SLC41A2: variants seen among roughly 807,000 people sequenced by gnomAD.
SLC41A2 encodes the protein SLC41A1-like 1.
Under a neutral mutation model 58.3 loss-of-function variants are expected in SLC41A2, and 32 were observed. The observed-to-expected ratio is 0.55, with a 90% CI of 0.41 to 0.74. SLC41A2 has a LOEUF of 0.74. SLC41A2 is among the 30% of genes least tolerant of loss of function. SLC41A2 has a pLI of 0.00. For synonymous variants in SLC41A2, 190 were observed against 235.0 expected, an observed-to-expected ratio of 0.81 and a Z score of 1.75; for missense variants, 514 against 680.6, an observed-to-expected ratio of 0.76 and a Z score of 2.72.
intron 2 of SLC41A2, among the ~76,000 whole-genome samples, chr12:104,915,320 T>C (rs1001048903): frequency 6.6e-6 from 1 of 152,234 alleles, no homozygotes; most frequent in Non-Finnish European, 1.5e-5. Context: ...AAAAAATTTT[T>C]ATTGTCATTT....
At chr12:104,955,962 T>G (rs1290329431) in intron 1 of SLC41A2, among the ~76,000 whole-genome samples, 1 of 152,232 alleles carries the variant, frequency 6.6e-6, no homozygotes, top group Admixed American at 6.5e-5. Context: ...ATTCTCCACT[T>G]TACTGAGAAG....
upstream of SLC41A2, chr12:104,958,351 C>T (rs1014800930): frequency 1.3e-5 from 2 of 148,722 alleles, no homozygotes; most frequent in African/African-American, 4.9e-5. Flanking sequence ...CGCGCGGCAG[C>T]CCCGCGCAAG....
intron 8 of SLC41A2, among the ~76,000 whole-genome samples, chr12:104,858,036 C>T (rs1348294745): frequency 6.6e-6 from 1 of 151,950 alleles, no homozygotes; most frequent in Non-Finnish European, 1.5e-5. Flanking sequence ...GAATTAACAC[C>T]AACAACAATA....
At chr12:104,919,215 T>C (rs2046473033) in intron 2 of SLC41A2, among the ~76,000 whole-genome samples, 1 of 152,214 alleles carries the variant, frequency 6.6e-6, no homozygotes, top group Non-Finnish European at 1.5e-5. Context: ...TAGTATTCCA[T>C]CATATGAATT....
chr12:104,916,409 T>C (rs2046322706), intron 2 of SLC41A2, among the ~76,000 whole-genome samples: 1 of 152,158 alleles, frequency 6.6e-6, no homozygotes, highest in African/African-American at 2.4e-5. Flanking sequence ...CAAGGTAATT[T>C]ATAGATTCAA....
At chr12:104,905,615 G>A (rs2045802074) in intron 3 of SLC41A2, among the ~76,000 whole-genome samples, 1 of 152,242 alleles carries the variant, frequency 6.6e-6, no homozygotes, top group South Asian at 2.1e-4. Context: ...GGAGTGGGTG[G>A]GAGGCTCAGG....
rs767726601 is a variant in SLC41A2 at position 104,928,119 on chromosome 12, T to C, written c.409A>G (p.Ser137Gly). Residue 137 changes from serine to glycine, a missense_variant, in exon 2 of 11, where the codon AGT (serine) becomes GGT (glycine). This residue lies in a region of SLC41A2 where 336 missense variants were observed against 430.0 expected (regional missense o/e 0.78). Coordinates refer to ENST00000258538, the MANE Select transcript of SLC41A2 (RefSeq NM_001352171.3). The stretch of plus-strand genomic sequence containing the variant: ...ACAATAGCATCTTCATCACCATCAC[T>C]AGATATATCTTCATCTTGTAACATG... Reference protein sequence around the residue: ...TAMLQDEDISSDGDEDAIVEV... With the variant: ...TAMLQDEDISGDGDEDAIVEV... 4.3e-6 allele frequency: 7 copies of C among 1,614,200 alleles called. No individual in the cohort carries two copies. The highest frequency in any genetic ancestry group is 8.5e-7 in the Non-Finnish European group (1 of 1,180,024).
At chr12:104,944,332 A>G (rs2047628662) in intron 1 of SLC41A2, among the ~76,000 whole-genome samples, 1 of 152,234 alleles carries the variant, frequency 6.6e-6, no homozygotes, top group Admixed American at 6.5e-5. Flanking sequence ...TGGTGGCCTA[A>G]CATCACCTTC....
intron 4 of SLC41A2, among the ~76,000 whole-genome samples, chr12:104,894,180 C>T (rs916387786): frequency 6.6e-6 from 1 of 151,466 alleles, no homozygotes; most frequent in Non-Finnish European, 1.5e-5. Context: ...ATGGCGAAAC[C>T]CCGTCTCTAC....
intron 10 of SLC41A2, among the ~76,000 whole-genome samples, chr12:104,823,071 G>A (rs79407867): frequency 0.019 from 2,833 of 152,274 alleles, 31 homozygotes; most frequent in African/African-American, 0.035. Context: ...AAGCAGCTAT[G>A]AGAAGTGACA....
At chr12:104,911,100 C>T (rs1253083213) in intron 2 of SLC41A2, among the ~76,000 whole-genome samples, 4 of 152,174 alleles carry the variant, frequency 2.6e-5, no homozygotes, top group Admixed American at 2.6e-4. Context: ...ATTCTTTAAA[C>T]CAATTGCCAA....
chr12:104,908,648 T>A (rs925242610), intron 3 of SLC41A2, among the ~76,000 whole-genome samples: 1 of 152,248 alleles, frequency 6.6e-6, no homozygotes, highest in African/African-American at 2.4e-5. Context: ...CCTCACTAGC[T>A]ACGTGGTTTT....
chr12:104,882,843 T>C (rs1372264280), intron 6 of SLC41A2, among the ~76,000 whole-genome samples: 1 of 152,220 alleles, frequency 6.6e-6, no homozygotes, highest in Non-Finnish European at 1.5e-5. Context: ...TTCTCTGTAT[T>C]TCCTGAATTT....
chr12:104,907,166 G>A (rs1202416489), intron 3 of SLC41A2, among the ~76,000 whole-genome samples: 1 of 149,150 alleles, frequency 6.7e-6, no homozygotes, highest in African/African-American at 2.5e-5. Flanking sequence ...TCCAAGATCT[G>A]GCCAGTATGT....
At chr12:104,941,643 G>C (rs1455520850) in intron 1 of SLC41A2, among the ~76,000 whole-genome samples, 2 of 152,184 alleles carry the variant, frequency 1.3e-5, no homozygotes, top group Non-Finnish European at 2.9e-5. Flanking sequence ...TATGCTATGT[G>C]TCCAAAGAAC....
At chr12:104,944,054 GA>G (rs1418327321) in intron 1 of SLC41A2, among the ~76,000 whole-genome samples, 3 of 151,880 alleles carry the variant, frequency 2.0e-5, no homozygotes, top group Non-Finnish European at 4.4e-5. Context: ...AAAAAAAAGG[GA>G]AAAAAGGAAA....
At chr12:104,940,934 CA>C (rs386377636) in intron 1 of SLC41A2, among the ~76,000 whole-genome samples, 5,236 of 95,470 alleles carry the variant, frequency 0.055, 82 homozygotes, top group East Asian at 0.14. Flanking sequence ...GACTCTGCCT[CA>C]AAAAAAAAAA....
chr12:104,942,104 AT>A (rs2047532166), intron 1 of SLC41A2, among the ~76,000 whole-genome samples: 1 of 152,122 alleles, frequency 6.6e-6, no homozygotes, highest in African/African-American at 2.4e-5. Flanking sequence ...AGGTATATTT[AT>A]TCCCCCTACT....
At chr12:104,956,000 G>C (rs987960015) in intron 1 of SLC41A2, among the ~76,000 whole-genome samples, 3 of 152,164 alleles carry the variant, frequency 2.0e-5, no homozygotes, top group Non-Finnish European at 4.4e-5. Context: ...AGTGATTTGT[G>C]CTTGCCATTT....
Sources: allele counts gnomAD v4.1 joint callset (sites outside exome capture counted in the v4.1 genomes callset), GRCh38; gene constraint gnomAD v4.1.1; regional missense constraint gnomAD v4.1.1; transcripts MANE v1.5; gene names NCBI Gene and HGNC (gene_info 2026-07-23, HGNC 2026-07-21).